RAVER2: variants seen among roughly 807,000 people sequenced by gnomAD.
RAVER2 encodes ribonucleoprotein, PTB binding 2.
Under a neutral mutation model 78.1 loss-of-function variants are expected in RAVER2, and 46 were observed. The observed-to-expected ratio is 0.59, with a 90% CI of 0.46 to 0.75. RAVER2 has a LOEUF of 0.75. Ranked by LOEUF, RAVER2 falls within the 30% of genes least tolerant of loss-of-function variation. The probability of loss-of-function intolerance (pLI) is 0.00; values close to 1 mark genes in which losing one functional copy is unlikely to be tolerated. For synonymous variants in RAVER2, 311 were observed against 313.3 expected, an observed-to-expected ratio of 0.99 and a Z score of 0.08; for missense variants, 793 against 837.5, an observed-to-expected ratio of 0.95 and a Z score of 0.66.
In RAVER2 at chr1:64,828,546, T is replaced by A. The variant is rs554560523; in HGVS notation, c.1930-2293T>A. ...TTTCTTTCAAAATTTTAAATCATCA[T>A]TCCCCATTCACCAGTCCTTACACTA... On this transcript the variant is annotated intron_variant, in intron 11 of 11. Transcript: ENST00000294428. Among the ~76,000 whole-genome samples, 7 of 152,294 alleles carry A rather than the reference T, an allele frequency of 4.6e-5. No individual in the cohort carries two copies. In the South Asian group the frequency reaches 1.5e-3, roughly 32 times the overall value.
At chr1:64,832,940 AAGTCAGTC>A (rs3838402) in exon 12 of RAVER2, 7 of 157,012 alleles carry the variant, frequency 4.5e-5, no homozygotes, top group Admixed American at 1.3e-4. Flanking sequence ...GAGCTGCAAA[AAGTCAGTC>A]AGTCAAAGCA....
chr1:64,755,060 C>G (rs1651814517), intron 1 of RAVER2, among the ~76,000 whole-genome samples: 2 of 152,154 alleles, frequency 1.3e-5, no homozygotes, highest in African/African-American at 4.8e-5. Flanking sequence ...GGATGCTCAA[C>G]AAAGTAAATT....
chr1:64,768,500 T>C (rs1489360338), intron 1 of RAVER2, among the ~76,000 whole-genome samples, 156 bp from the exon 2 acceptor site: 1 of 151,882 alleles, frequency 6.6e-6, no homozygotes, highest in African/African-American at 2.4e-5. Context: ...GGAAGACCTT[T>C]AATTTAAGTA....
intron 4 of RAVER2, among the ~76,000 whole-genome samples, chr1:64,782,915 G>A (rs1041903592): frequency 5.3e-5 from 8 of 152,124 alleles, no homozygotes; most frequent in Non-Finnish European, 1.5e-5. Flanking sequence ...GGTGTGTGAT[G>A]TTCCCCATCC....
intron 5 of RAVER2, among the ~76,000 whole-genome samples, chr1:64,792,570 T>C (rs374954690): frequency 1.1e-4 from 16 of 152,342 alleles, no homozygotes; most frequent in East Asian, 7.7e-4. Context: ...GATTAATGTA[T>C]GGCCATATGG....
exon 12 of RAVER2, chr1:64,830,868 CTCA>C (rs756258775): frequency 3.1e-6 from 5 of 1,610,032 alleles, no homozygotes; most frequent in South Asian, 1.1e-5. Flanking sequence ...AAAAGCGAGG[CTCA>C]TCATATCTCA....
intron 11 of RAVER2, chr1:64,815,782 G>C (rs552048662): frequency 6.6e-6 from 1 of 152,134 alleles, no homozygotes; most frequent in African/African-American, 2.4e-5. Flanking sequence ...TGGTGCAGCT[G>C]GATATTAGTG....
intron 10 of RAVER2, among the ~76,000 whole-genome samples, chr1:64,814,381 G>C (rs1313964981): frequency 6.6e-6 from 1 of 152,078 alleles, no homozygotes. Flanking sequence ...GGAATTACAG[G>C]CATGAGCAAC....
intron 5 of RAVER2, among the ~76,000 whole-genome samples, chr1:64,789,857 C>A (rs1557595644): frequency 1.3e-5 from 2 of 152,132 alleles, no homozygotes. Context: ...AGAATTAATA[C>A]TCTTCTATGT....
At chr1:64,810,525 GC>G (rs1218325513) in intron 9 of RAVER2, among the ~76,000 whole-genome samples, 1 of 152,042 alleles carries the variant, frequency 6.6e-6, no homozygotes, top group Admixed American at 6.6e-5. Context: ...CCTCCCAAAG[GC>G]CCCACCTTCT....
intron 11 of RAVER2, among the ~76,000 whole-genome samples, chr1:64,829,907 G>A (rs1654083634): frequency 2.0e-5 from 3 of 152,030 alleles, no homozygotes; most frequent in South Asian, 4.2e-4. Context: ...CTCTAACATG[G>A]ACCACTGAGA....
intron 8 of RAVER2, among the ~76,000 whole-genome samples, chr1:64,805,989 T>C (rs1653407562): frequency 6.6e-6 from 1 of 152,164 alleles, no homozygotes; most frequent in African/African-American, 2.4e-5. Flanking sequence ...TTAAGAACAC[T>C]GAAAAGTCAG....
rs1056610845 is a variant in RAVER2, at chr1:64,745,332, G to T, written c.160G>T (p.Val54Phe). The change falls in exon 1 of 12, where the codon GTC becomes TTC. Residue 54 changes from valine to phenylalanine, a missense_variant. By Grantham distance (50) the Val-to-Phe change is conservative. Transcript: ENST00000294428. The surrounding 1 kb of genome is among the most constrained non-coding windows in gnomAD (Gnocchi z 4.3). The stretch of plus-strand genomic sequence containing the variant: ...GCCCGCCGCGCTGCACCCTGAGGAG[G>T]TCGCCGCGCGACTGCAGCGGATGCA... 2 of 1,539,310 alleles carry T rather than the reference G, an allele frequency of 1.3e-6. No individual in the cohort carries two copies. Among genetic ancestry groups the T allele is most frequent in the South Asian group, 2.4e-5 (2 of 83,806 alleles).
At chr1:64,830,939 G>C in exon 12 of RAVER2, 1 of 1,613,844 alleles carries the variant, frequency 6.2e-7, no homozygotes, top group South Asian at 1.1e-5. Flanking sequence ...CAGGGCACAG[G>C]AGCATATTAC....
chr1:64,825,202 T>C (rs899319857), intron 11 of RAVER2, among the ~76,000 whole-genome samples: 8 of 152,114 alleles, frequency 5.3e-5, no homozygotes, highest in Admixed American at 3.3e-4. Context: ...AAATAAAAAT[T>C]TAAAAATGTT....
At chr1:64,814,163 C>T (rs1259788434) in intron 10 of RAVER2, among the ~76,000 whole-genome samples, 3 of 152,092 alleles carry the variant, frequency 2.0e-5, no homozygotes, top group Admixed American at 2.0e-4. Context: ...GGCATCATCT[C>T]GGCTCACTGC....
chr1:64,813,556 G>A (rs1653678241), intron 10 of RAVER2, among the ~76,000 whole-genome samples: 1 of 151,960 alleles, frequency 6.6e-6, no homozygotes, highest in South Asian at 2.1e-4. Context: ...ATCCAAAAAA[G>A]TAAATTCTAA....
At chr1:64,817,145 A>G (rs1653774842) in intron 11 of RAVER2, among the ~76,000 whole-genome samples, 1 of 152,236 alleles carries the variant, frequency 6.6e-6, no homozygotes, top group African/African-American at 2.4e-5. Context: ...CAACAGACAC[A>G]TGAAAAAATG....
At chr1:64,813,901 TA>T (rs1653691356) in intron 10 of RAVER2, among the ~76,000 whole-genome samples, 1 of 151,864 alleles carries the variant, frequency 6.6e-6, no homozygotes, top group Admixed American at 6.6e-5. Flanking sequence ...TTTATTTATT[TA>T]TTTTTTTATT....
Sources: allele counts gnomAD v4.1 joint callset (sites outside exome capture counted in the v4.1 genomes callset), GRCh38; gene constraint gnomAD v4.1.1; non-coding constraint Gnocchi (gnomAD v3.1); transcripts MANE v1.5; gene names NCBI Gene and HGNC (gene_info 2026-07-23, HGNC 2026-07-21).